The following CHST11 variants were observed in gnomAD, a reference collection of about 807,000 sequenced individuals.
The protein encoded by CHST11 is C4S-1.
In CHST11, 9 loss-of-function variants were observed where a neutral mutation model predicts 30.4. The ratio of observed to expected loss-of-function variants is 0.30; its 90% CI spans 0.18 to 0.52. The LOEUF is 0.52. CHST11 is among the 20% of genes least tolerant of loss of function. The pLI, the probability that CHST11 is intolerant of heterozygous loss-of-function variation, is 0.97. For missense variants in CHST11, 348 were observed against 460.6 expected (o/e 0.76, Z 2.24); for synonymous variants, 152 against 187.8 (o/e 0.81, Z 1.56).
intron 1 of CHST11, among the ~76,000 whole-genome samples, chr12:104,549,158 T>TG (rs2038381333): frequency 6.6e-6 from 1 of 152,114 alleles, no homozygotes; most frequent in Non-Finnish European, 1.5e-5. Flanking sequence ...AGATTCACCA[T>TG]GTTTAGTGGG....
intron 1 of CHST11, among the ~76,000 whole-genome samples, chr12:104,490,714 C>G (rs760040984): frequency 6.6e-6 from 1 of 151,984 alleles, no homozygotes; most frequent in Non-Finnish European, 1.5e-5. Context: ...CTTTTTTCAC[C>G]CTTTGAAAAG....
chr12:104,629,395 G>T (rs2039250421), intron 2 of CHST11, among the ~76,000 whole-genome samples: 1 of 152,218 alleles, frequency 6.6e-6, no homozygotes, highest in African/African-American at 2.4e-5. Context: ...ACTCACAGTG[G>T]CTTGCTTCTT....
At chr12:104,461,378 A>G (rs1220265418) in intron 1 of CHST11, among the ~76,000 whole-genome samples, 5 of 152,256 alleles carry the variant, frequency 3.3e-5, no homozygotes, top group Non-Finnish European at 7.3e-5. Flanking sequence ...TGTGATTTCT[A>G]CACAGGTTTG....
At chr12:104,465,477 AGGC>A (rs1321696006) in intron 1 of CHST11, among the ~76,000 whole-genome samples, 1 of 152,212 alleles carries the variant, frequency 6.6e-6, no homozygotes, top group African/African-American at 2.4e-5. Context: ...GTTTCTTTCA[AGGC>A]TACTGAGCTG....
chr12:104,463,236 A>T (rs2037426190), intron 1 of CHST11, among the ~76,000 whole-genome samples: 1 of 152,196 alleles, frequency 6.6e-6, no homozygotes, highest in African/African-American at 2.4e-5. Flanking sequence ...GGCCTCTTCT[A>T]AGTTCAGACT....
chr12:104,521,069 A>G (rs1011441822), intron 1 of CHST11, among the ~76,000 whole-genome samples: 1 of 152,198 alleles, frequency 6.6e-6, no homozygotes, highest in Admixed American at 6.5e-5. Flanking sequence ...GGATAAGGAT[A>G]ATAGTTGATC....
At chr12:104,539,727 T>A (rs770045816) in intron 1 of CHST11, among the ~76,000 whole-genome samples, 82 of 152,342 alleles carry the variant, frequency 5.4e-4, no homozygotes, top group Non-Finnish European at 9.4e-4. Context: ...CTTTTAATAG[T>A]TATCTAAATA....
chr12:104,533,524 T>A (rs1411911112), intron 1 of CHST11, among the ~76,000 whole-genome samples: 1 of 152,218 alleles, frequency 6.6e-6, no homozygotes, highest in Non-Finnish European at 1.5e-5. Context: ...TGGAGACTTT[T>A]CAAGGCTTAT....
chr12:104,718,144 C>G (rs967645948), intron 2 of CHST11, among the ~76,000 whole-genome samples: 1 of 152,144 alleles, frequency 6.6e-6, no homozygotes, highest in African/African-American at 2.4e-5. Context: ...GCATGAGATG[C>G]CCATTCCCTC....
intron 2 of CHST11, among the ~76,000 whole-genome samples, chr12:104,738,180 C>T (rs2040316909): frequency 6.6e-6 from 1 of 152,172 alleles, no homozygotes; most frequent in African/African-American, 2.4e-5. Context: ...CGGGCTCATC[C>T]TTCTTCAGCA....
intron 1 of CHST11, among the ~76,000 whole-genome samples, chr12:104,582,822 C>T (rs1336183363): frequency 4.0e-5 from 6 of 151,358 alleles, no homozygotes; most frequent in Admixed American, 6.6e-5. Flanking sequence ...TGTATAGAGC[C>T]GGAACTCCAA....
At chr12:104,744,190 C>T (rs1400898134) in intron 2 of CHST11, among the ~76,000 whole-genome samples, 1 of 152,186 alleles carries the variant, frequency 6.6e-6, no homozygotes, top group Non-Finnish European at 1.5e-5. Context: ...CACTGTCTTC[C>T]ACAATGGTTG....
intron 2 of CHST11, among the ~76,000 whole-genome samples, chr12:104,669,773 A>C (rs1470605958): frequency 6.6e-6 from 1 of 152,202 alleles, no homozygotes; most frequent in African/African-American, 2.4e-5. Flanking sequence ...GTATGATGAC[A>C]GCTCGTAGCT....
At chr12:104,585,523 C>T (rs1426293663) in intron 1 of CHST11, among the ~76,000 whole-genome samples, 2 of 152,172 alleles carry the variant, frequency 1.3e-5, no homozygotes, top group Non-Finnish European at 2.9e-5. Flanking sequence ...GCTCGAAACA[C>T]GTGACATGGA....
intron 1 of CHST11, among the ~76,000 whole-genome samples, chr12:104,565,053 G>T (rs2136019157): frequency 6.6e-6 from 1 of 152,174 alleles, no homozygotes; most frequent in East Asian, 1.9e-4. Context: ...AGATTTGGGT[G>T]GGGACACAGC....
At chr12:104,654,872 G>A (rs976264807) in intron 2 of CHST11, among the ~76,000 whole-genome samples, 1 of 152,088 alleles carries the variant, frequency 6.6e-6, no homozygotes, top group African/African-American at 2.4e-5. Context: ...GTCATCACCA[G>A]GCCGCTACCC....
intron 2 of CHST11, among the ~76,000 whole-genome samples, chr12:104,746,564 C>T (rs1345809871): frequency 6.6e-6 from 1 of 152,192 alleles, no homozygotes; most frequent in African/African-American, 2.4e-5. Context: ...AAATGCTTTC[C>T]AGCCACGGTG....
At chr12:104,630,039 C>T (rs1847431359) in intron 2 of CHST11, among the ~76,000 whole-genome samples, 1 of 152,040 alleles carries the variant, frequency 6.6e-6, no homozygotes, top group African/African-American at 2.4e-5. Context: ...TTACTTATTC[C>T]CTGGTTAGGT....
intron 2 of CHST11, among the ~76,000 whole-genome samples, chr12:104,706,045 CACT>C (rs2040030560): frequency 6.6e-6 from 1 of 151,874 alleles, no homozygotes; most frequent in Admixed American, 6.6e-5. Flanking sequence ...GTGATTGCAC[CACT>C]GCACTCCAGC....
Sources: allele counts gnomAD v4.1 joint callset (sites outside exome capture counted in the v4.1 genomes callset), GRCh38; gene constraint gnomAD v4.1.1; transcripts MANE v1.5; gene names NCBI Gene and HGNC (gene_info 2026-07-23, HGNC 2026-07-21).